The following PRKD1 variants were observed in gnomAD, a reference collection of about 807,000 sequenced individuals.
The protein encoded by PRKD1 is protein kinase D1, also known as serine/threonine-protein kinase D1.
A neutral mutation model predicts 95.9 loss-of-function variants in PRKD1; 63 were observed. The observed-to-expected ratio is 0.66, with a 90% CI of 0.54 to 0.81. PRKD1 has a LOEUF of 0.81. Ranked by LOEUF, PRKD1 falls within the 30% of genes least tolerant of loss-of-function variation. PRKD1 has a pLI of 0.00. For synonymous variants in PRKD1, 425 were observed against 423.1 expected (o/e 1.00, Z -0.05); for missense variants, 1,048 against 1,165.3 (o/e 0.90, Z 1.47).
intron 1 of PRKD1, among the ~76,000 whole-genome samples, chr14:29,899,138 G>A (rs1894231217): frequency 6.6e-6 from 1 of 152,012 alleles, no homozygotes; most frequent in South Asian, 2.1e-4. Context: ...CACACCAATA[G>A]AATAATAGAG....
chr14:29,610,115 T>C (rs539279828), intron 13 of PRKD1, among the ~76,000 whole-genome samples: 1 of 152,060 alleles, frequency 6.6e-6, no homozygotes, highest in South Asian at 2.1e-4. Context: ...CTTTTCCACA[T>C]AGAAGTAGTA....
chr14:29,903,024 A>G (rs563174049), intron 1 of PRKD1, among the ~76,000 whole-genome samples: 25 of 152,326 alleles, frequency 1.6e-4, no homozygotes, highest in African/African-American at 3.6e-4. Flanking sequence ...TTGGGCCCCA[A>G]ATTTGGCTCT....
At chr14:29,612,754 C>T (rs929305769) in intron 13 of PRKD1, among the ~76,000 whole-genome samples, 3 of 152,078 alleles carry the variant, frequency 2.0e-5, no homozygotes, top group Non-Finnish European at 4.4e-5. Context: ...AAAGACAGTA[C>T]GATTTCCTTA....
chr14:29,636,309 C>T lies in PRKD1; in HGVS notation c.1171G>A (p.Asp391Asn), dbSNP rs764806592. The change falls in exon 7 of 18, where the codon GAC (aspartate) becomes AAC (asparagine). Residue 391 changes from aspartate (D) to asparagine (N), a missense_variant. This residue lies in a region of PRKD1 where 739 missense variants were observed against 861.9 expected (regional missense o/e 0.86). Coordinates refer to ENST00000331968, the MANE Select transcript of PRKD1 (RefSeq NM_002742.3). ...TCTCACCTGATGGTTCTGTTGGCGT[C>T]CTCGTGGTCTGGGTCTGGATCTTGC... is the stretch of plus-strand genomic sequence containing the variant. ...EMQDPDPDHEDANRTISPSTS... is the reference protein window; with the variant it reads ...EMQDPDPDHENANRTISPSTS... 3.1e-6 allele frequency: 5 copies of T among 1,614,058 alleles called. No individual in the cohort carries two copies. In the East Asian group the frequency reaches 8.9e-5, roughly 29 times the overall value.
chr14:29,749,305 A>G (rs949793472), intron 1 of PRKD1, among the ~76,000 whole-genome samples: 8 of 152,178 alleles, frequency 5.3e-5, no homozygotes, highest in African/African-American at 1.9e-4. Context: ...AAGTAGGGAA[A>G]AAAGGAGGGG....
At chr14:29,890,510 T>C (rs1566657070) in intron 1 of PRKD1, among the ~76,000 whole-genome samples, 1 of 152,160 alleles carries the variant, frequency 6.6e-6, no homozygotes, top group Admixed American at 6.5e-5. Flanking sequence ...AATAGGTAGA[T>C]AGATAGATAC....
At chr14:29,848,002 G>A (rs1892151434) in intron 1 of PRKD1, among the ~76,000 whole-genome samples, 1 of 152,010 alleles carries the variant, frequency 6.6e-6, no homozygotes, top group Non-Finnish European at 1.5e-5. Context: ...TAATTATTTT[G>A]GAACTCTGAT....
At chr14:29,641,241 T>C (rs1011166922) in intron 4 of PRKD1, among the ~76,000 whole-genome samples, 1 of 152,176 alleles carries the variant, frequency 6.6e-6, no homozygotes, top group African/African-American at 2.4e-5. Flanking sequence ...ATTTATAGTG[T>C]CAGAAATTAA....
At position 29,828,538 on chromosome 14, in the gene PRKD1, C is replaced by A. The variant is rs1891284654; in HGVS notation, c.264+98711G>T. ...ATCCAAACCATATCAATATTCTATT[C>A]TCCTTGACTAACACAAGGCCTTGTT... On this transcript the variant is annotated intron_variant, in intron 1 of 17. Transcript: ENST00000331968. 2.6e-5 allele frequency among the ~76,000 whole-genome samples: 4 copies of A among 152,126 alleles called. No homozygotes were observed. The South Asian group carries it at 8.3e-4, about 32-fold the overall frequency.
intron 2 of PRKD1, among the ~76,000 whole-genome samples, chr14:29,684,882 C>T (rs1299309192): frequency 6.6e-6 from 1 of 152,186 alleles, no homozygotes; most frequent in Admixed American, 6.5e-5. Flanking sequence ...ACAGTTTAAG[C>T]TTATTTTAGA....
chr14:29,855,932 A>G (rs537811002), intron 1 of PRKD1, among the ~76,000 whole-genome samples: 21 of 152,180 alleles, frequency 1.4e-4, no homozygotes, highest in Non-Finnish European at 2.9e-4. Context: ...GGAACTGTTA[A>G]GTTCATTAAA....
At chr14:29,675,431 C>T (rs1211969014) in intron 2 of PRKD1, among the ~76,000 whole-genome samples, 2 of 152,200 alleles carry the variant, frequency 1.3e-5, no homozygotes, top group African/African-American at 4.8e-5. Flanking sequence ...CTGACAACCA[C>T]TAATTTATTT....
chr14:29,803,214 G>A (rs1344761379), intron 1 of PRKD1, among the ~76,000 whole-genome samples: 1 of 152,128 alleles, frequency 6.6e-6, no homozygotes. Flanking sequence ...CAGATGGAGG[G>A]AAAAACAGAG....
intron 1 of PRKD1, among the ~76,000 whole-genome samples, chr14:29,763,828 T>G (rs1249408061): frequency 6.6e-6 from 1 of 152,150 alleles, no homozygotes; most frequent in Non-Finnish European, 1.5e-5. Context: ...TACACAGAGT[T>G]CAGAACTAGC....
intron 16 of PRKD1, among the ~76,000 whole-genome samples, chr14:29,593,928 T>C (rs1893213334): frequency 6.6e-6 from 1 of 152,180 alleles, no homozygotes; most frequent in Non-Finnish European, 1.5e-5. Context: ...TTCCTAAATA[T>C]CAAGCCATAA....
intron 1 of PRKD1, among the ~76,000 whole-genome samples, chr14:29,926,975 T>C (rs1895322458): frequency 6.6e-6 from 1 of 151,596 alleles, no homozygotes; most frequent in Admixed American, 6.6e-5. Context: ...CCTGGAAATG[T>C]CATGAGAAGG....
intron 1 of PRKD1, among the ~76,000 whole-genome samples, chr14:29,874,663 A>G (rs1893224489): frequency 6.6e-6 from 1 of 152,244 alleles, no homozygotes; most frequent in African/African-American, 2.4e-5. Flanking sequence ...CCATACAGAA[A>G]GAATGAAATC....
chr14:29,649,692 A>G (rs1010249753), intron 4 of PRKD1, among the ~76,000 whole-genome samples: 1 of 152,168 alleles, frequency 6.6e-6, no homozygotes, highest in African/African-American at 2.4e-5. Flanking sequence ...CTTCAACATT[A>G]AAAGAGGGTT....
intron 2 of PRKD1, among the ~76,000 whole-genome samples, chr14:29,725,021 T>C (rs1886071611): frequency 6.6e-6 from 1 of 152,216 alleles, no homozygotes; most frequent in African/African-American, 2.4e-5. Context: ...GGGACTGAGT[T>C]AACTAGCGTC....
Sources: gnomAD v4.1 joint callset for allele counts (sites outside exome capture counted in the v4.1 genomes callset) on GRCh38, gnomAD v4.1.1 for gene constraint, gnomAD v4.1.1 regional missense constraint, MANE v1.5 for transcripts, NCBI Gene and HGNC (gene_info 2026-07-23, HGNC 2026-07-21) for gene names.